SANBR: variants seen among roughly 807,000 people sequenced by gnomAD.
SANBR encodes the protein SANT and BTB domain regulator of CSR, also known as SANT and BTB domain regulator of class switch recombination.
SANBR carries 77 observed loss-of-function variants against 101.8 expected under a neutral mutation model. The ratio of observed to expected loss-of-function variants is 0.76; its 90% confidence interval spans 0.63 to 0.91. The LOEUF (loss-of-function observed/expected upper bound fraction) is 0.91, where lower values mean the gene tolerates loss of function less well. Ranked by LOEUF, SANBR falls within the 40% of genes least tolerant of loss-of-function variation. SANBR has a pLI of 0.00. For missense variants in SANBR, 875 were observed against 853.0 expected (o/e 1.03, Z -0.32); for synonymous variants, 279 against 274.7 (o/e 1.02, Z -0.15).
intron 2 of SANBR, among the ~76,000 whole-genome samples, chr2:61,069,318 T>C (rs1432545482): frequency 6.6e-6 from 1 of 152,204 alleles, no homozygotes; most frequent in Non-Finnish European, 1.5e-5. Flanking sequence ...CCTTTATTTC[T>C]TTCCACGCTG....
chr2:61,122,981 TA>T lies in SANBR; in HGVS notation c.*821del. 1.0e-6 allele frequency: 1 copy of T among 984,492 alleles called. No homozygotes were observed. Among genetic ancestry groups the T allele is most frequent in the Non-Finnish European group, 1.2e-6 (1 of 828,946 alleles). 61.0% of individuals were successfully genotyped at this position (984,492 alleles called of 1,614,324 possible). A position where few individuals can be genotyped will look rare whatever the true frequency, so the allele number is the denominator to read the frequency against. ...GCTCTAAAACCCAACCATATTTCTG[TA>T]ACCATTCAAATAACTCCTTAAAACA... On this transcript the variant is annotated 3_prime_UTR_variant, in exon 22 of 22. Transcript: ENST00000402291.
chr2:61,086,345 T>G (rs906313996), intron 8 of SANBR, among the ~76,000 whole-genome samples: 4 of 151,744 alleles, frequency 2.6e-5, no homozygotes, highest in Admixed American at 2.6e-4. Context: ...TTAAATTAAA[T>G]TTATTCCTAA....
At chr2:61,070,784 T>C (rs1035006550) in intron 3 of SANBR, among the ~76,000 whole-genome samples, 1 of 149,540 alleles carries the variant, frequency 6.7e-6, no homozygotes, top group Non-Finnish European at 1.5e-5. Flanking sequence ...TTGTTGTTTT[T>C]GTTTTTTTGA....
chr2:61,080,108 A>C (rs1227117438), intron 6 of SANBR, among the ~76,000 whole-genome samples: 1 of 150,762 alleles, frequency 6.6e-6, no homozygotes, highest in Non-Finnish European at 1.5e-5. Flanking sequence ...GAGGCAGGAG[A>C]ATCGCTTGAA....
intron 20 of SANBR, among the ~76,000 whole-genome samples, chr2:61,130,929 C>CAGAA (rs1684669155): frequency 7.6e-5 from 1 of 13,220 alleles, no homozygotes; most frequent in Non-Finnish European, 1.4e-4. Context: ...GACTCTGTCT[C>CAGAA]AAAAAAAAAA....
rs1338089526 is a variant in SANBR at position 61,122,698 on chromosome 2, G to T, written c.*536G>T. On this transcript the variant is annotated 3_prime_UTR_variant, in exon 22 of 22. Coordinates refer to ENST00000402291, the MANE Select transcript of SANBR (RefSeq NM_001129993.3). ...AGACTGCATTAAATGAAGTTTCAGGGTAAGGTATTTCAGTACTGTGTTGGG... is the reference window on the plus strand; with the variant it reads ...AGACTGCATTAAATGAAGTTTCAGGTTAAGGTATTTCAGTACTGTGTTGGG... 2 of 985,634 alleles carry T rather than the reference G, an allele frequency of 2.0e-6. No individual in the cohort carries two copies. Among genetic ancestry groups the T allele is most frequent in the East Asian group, 2.2e-4 (2 of 8,964 alleles). 61.1% of individuals were successfully genotyped at this position (985,634 alleles called of 1,614,324 possible). A position where few individuals can be genotyped will look rare whatever the true frequency, so the allele number is the denominator to read the frequency against.
intron 2 of SANBR, among the ~76,000 whole-genome samples, chr2:61,069,233 T>A (rs971107525): frequency 6.6e-6 from 1 of 152,254 alleles, no homozygotes. Context: ...CAGCACAATC[T>A]AAATACTATT....
chr2:61,123,778 T>C lies in SANBR; in HGVS notation c.*1616T>C. On this transcript the variant is annotated 3_prime_UTR_variant, in exon 22 of 22. Coordinates refer to ENST00000402291, the MANE Select transcript of SANBR (RefSeq NM_001129993.3). ...GAATTAATTTTTACAAACCAGAGTT[T>C]ATCAGAATTTGATTCTCTTCAGAAT... 1.0e-6 allele frequency: 1 copy of C among 985,596 alleles called. No individual in the cohort carries two copies. The allele number at this position is 985,596 out of a possible 1,614,324, so 61.1% of individuals were successfully genotyped here. A position where few individuals can be genotyped will look rare whatever the true frequency, so the allele number is the denominator to read the frequency against.
intron 12 of SANBR, among the ~76,000 whole-genome samples, chr2:61,100,334 A>G (rs979216967): frequency 4.6e-5 from 7 of 152,120 alleles, no homozygotes; most frequent in African/African-American, 1.7e-4. Context: ...CGAACTCCTG[A>G]CCTCAAATGA....
chr2:61,083,402 T>C, intron 8 of SANBR, 88 bp downstream of exon 8: 1 of 924,462 alleles, frequency 1.1e-6, no homozygotes, highest in South Asian at 1.8e-5. Flanking sequence ...TCTTTCTTTT[T>C]TCTTTTTTCT....
At chr2:61,089,071 C>G (rs1682603650) in intron 10 of SANBR, 1 of 975,858 alleles carries the variant, frequency 1.0e-6, no homozygotes, top group Admixed American at 6.2e-5. Context: ...TCTCTTTTCA[C>G]TAACAGATTT....
exon 21 of SANBR, chr2:61,134,209 TTGA>T (rs746265083): frequency 6.2e-7 from 1 of 1,611,184 alleles, no homozygotes; most frequent in Non-Finnish European, 8.5e-7. Context: ...CAGTGTGCTC[TTGA>T]TGACAGTGTT....
chr2:61,067,886 T>A (rs1298735996), intron 1 of SANBR, among the ~76,000 whole-genome samples: 1 of 152,218 alleles, frequency 6.6e-6, no homozygotes, highest in Non-Finnish European at 1.5e-5. Flanking sequence ...GATTCAAAAC[T>A]AAATTGATTA....
chr2:61,088,874 A>G, intron 10 of SANBR: 5 of 945,648 alleles, frequency 5.3e-6, no homozygotes, highest in Non-Finnish European at 6.3e-6. Context: ...AACTACTTTT[A>G]TAAGGAATGG....
chr2:61,068,215 ATGTT>A (rs1272248834), intron 1 of SANBR, among the ~76,000 whole-genome samples: 2 of 152,152 alleles, frequency 1.3e-5, no homozygotes, highest in Non-Finnish European at 2.9e-5. Context: ...TTCTTTCCCC[ATGTT>A]TTCATCAAAC....
At chr2:61,070,265 T>G in intron 2 of SANBR, 77 bp from the exon 3 acceptor site, 1 of 1,083,006 alleles carries the variant, frequency 9.2e-7, no homozygotes, top group Middle Eastern at 2.6e-4. Context: ...TAGGAATGAA[T>G]TATAACTGAT....
At chr2:61,091,918 T>C (rs542710085) in intron 10 of SANBR, among the ~76,000 whole-genome samples, 1 of 152,316 alleles carries the variant, frequency 6.6e-6, no homozygotes, top group South Asian at 2.1e-4. Context: ...ATCACTCAAT[T>C]ACTAAAAGAT....
At chr2:61,066,582 G>A (rs1330573347) in intron 1 of SANBR, 1 of 152,538 alleles carries the variant, frequency 6.6e-6, no homozygotes, top group East Asian at 1.9e-4. Context: ...TCCCGGTCCG[G>A]GATGACTCGG....
intron 14 of SANBR, 47 bp from the exon 15 acceptor site, chr2:61,108,270 A>T: frequency 8.0e-7 from 1 of 1,250,712 alleles, no homozygotes; most frequent in Non-Finnish European, 1.1e-6. Context: ...AAGGAGCTGC[A>T]ATCTAGGTAA....
Sources: allele counts gnomAD v4.1 joint callset (sites outside exome capture counted in the v4.1 genomes callset), GRCh38; gene constraint gnomAD v4.1.1; transcripts MANE v1.5; gene names NCBI Gene and HGNC (gene_info 2026-07-23, HGNC 2026-07-21).